RAP1GAP2: variants seen among roughly 807,000 people sequenced by gnomAD.
RAP1GAP2 encodes rap1 GTPase-activating protein 2.
A neutral mutation model predicts 95.0 loss-of-function variants in RAP1GAP2; 27 were observed. That is an observed-to-expected ratio of 0.28 (90% CI 0.21 to 0.39). The LOEUF is 0.39. Ranked by LOEUF, RAP1GAP2 falls within the 10% of genes least tolerant of loss-of-function variation. RAP1GAP2 has a pLI of 1.00. For missense variants in RAP1GAP2, 771 were observed against 970.0 expected (o/e 0.79, Z 2.72); for synonymous variants, 373 against 380.9 (o/e 0.98, Z 0.24).
intron 4 of RAP1GAP2, chr17:2,962,445 C>A: frequency 2.0e-6 from 1 of 511,366 alleles, no homozygotes; most frequent in Non-Finnish European, 3.4e-6. Context: ...ATTTGAACCC[C>A]GGCGATCTGG....
rs368905936 is a variant in RAP1GAP2, at chr17:2,929,316, G to A, written c.165+23948G>A. Among the ~76,000 whole-genome samples, 198 of 152,342 alleles carry A rather than the reference G, an allele frequency of 1.3e-3. 1 individual carries two copies. Among genetic ancestry groups the A allele is most frequent in the East Asian group, 5.6e-3 (29 of 5,172 alleles). ...TAGGCTGCAAAGAGGCTGTGGAGGG[G>A]GCAGGGCCTGTGGAGGGTGTGCACC... On this transcript the variant is annotated intron_variant, in intron 3 of 24. Coordinates refer to ENST00000254695, the MANE Select transcript of RAP1GAP2 (RefSeq NM_015085.5).
intron 1 of RAP1GAP2, among the ~76,000 whole-genome samples, chr17:2,798,957 G>A (rs2069174814): frequency 6.6e-6 from 1 of 152,240 alleles, no homozygotes; most frequent in Admixed American, 6.5e-5. Flanking sequence ...ACTCCACCTT[G>A]ACCATTGAGG....
At chr17:2,775,740 A>G (rs1221564726), upstream of RAP1GAP2, among the ~76,000 whole-genome samples, 1 of 152,180 alleles carries the variant, frequency 6.6e-6, no homozygotes, top group Non-Finnish European at 1.5e-5. Flanking sequence ...GCCATAGTCA[A>G]AGGCCGCTGT....
At chr17:2,975,233 AAAAAAG>A (rs61021571) in intron 8 of RAP1GAP2, among the ~76,000 whole-genome samples, 27,451 of 151,898 alleles carry the variant, frequency 0.18, 3,047 homozygotes, top group East Asian at 0.36. Flanking sequence ...TGCGTCTCAA[AAAAAAG>A]AAAAAGAAAA....
Position 3,029,620 on chromosome 17 carries a change from A to G in RAP1GAP2, c.2108-1302A>G, listed in dbSNP as rs1057042371. ...GCACAGAAGAGGACTGATAGGTTAC[A>G]CAGAGGTGTTGTAGCCCTGGGTGGA... On this transcript the variant is annotated intron_variant, in intron 22 of 24. Coordinates refer to ENST00000254695, the MANE Select transcript of RAP1GAP2 (RefSeq NM_015085.5). The surrounding 1 kb of genome is among the most constrained non-coding windows in gnomAD (Gnocchi z 4.4). Among the ~76,000 whole-genome samples, 14 of 152,216 alleles carry G rather than the reference A, an allele frequency of 9.2e-5. 1 individual carries two copies. Among genetic ancestry groups the G allele is most frequent in the African/African-American group, 3.4e-4 (14 of 41,528 alleles).
chr17:2,774,017 C>T (rs1054755339), upstream of RAP1GAP2, among the ~76,000 whole-genome samples: 46 of 152,260 alleles, frequency 3.0e-4, no homozygotes, highest in African/African-American at 1.1e-3. Flanking sequence ...CTCGGCCTCC[C>T]AAAGTGCTGG....
intron 1 of RAP1GAP2, among the ~76,000 whole-genome samples, chr17:2,798,786 C>A (rs1051201305): frequency 3.3e-5 from 5 of 152,178 alleles, no homozygotes; most frequent in African/African-American, 1.2e-4. Context: ...GAGGCCACAC[C>A]CTGATGTGGG....
intron 4 of RAP1GAP2, among the ~76,000 whole-genome samples, chr17:2,958,863 G>T (rs1171952764): frequency 6.6e-6 from 1 of 152,080 alleles, no homozygotes; most frequent in Non-Finnish European, 1.5e-5. Context: ...GAGGGGAGAC[G>T]CTGTTTGAAG....
At chr17:3,025,727 G>C (rs55907950) in intron 19 of RAP1GAP2, among the ~76,000 whole-genome samples, 59,059 of 152,136 alleles carry the variant, frequency 0.39, 12,044 homozygotes, top group East Asian at 0.54. Flanking sequence ...GGGTGAGAGA[G>C]ATCTGGGCTA....
At chr17:2,895,880 C>T (rs1169374101) in intron 2 of RAP1GAP2, among the ~76,000 whole-genome samples, 6 of 152,010 alleles carry the variant, frequency 3.9e-5, no homozygotes, top group African/African-American at 1.2e-4. Context: ...GCCCGGCCTG[C>T]CCTCCCCTTT....
chr17:2,801,470 G>T, intron 2 of RAP1GAP2, among the ~76,000 whole-genome samples: 1 of 61,584 alleles, frequency 1.6e-5, no homozygotes, highest in Admixed American at 2.2e-4. Context: ...GTGAGACTCT[G>T]TCTCAAAAAA....
intron 3 of RAP1GAP2, among the ~76,000 whole-genome samples, chr17:2,927,394 C>G (rs900680530): frequency 6.6e-6 from 1 of 151,822 alleles, no homozygotes; most frequent in Non-Finnish European, 1.5e-5. Flanking sequence ...ACCTCGTGAT[C>G]CGCCCGCCTT....
intron 3 of RAP1GAP2, among the ~76,000 whole-genome samples, chr17:2,933,827 G>A (rs1013559547): frequency 1.3e-5 from 2 of 152,266 alleles, no homozygotes; most frequent in Non-Finnish European, 2.9e-5. Flanking sequence ...AAGACTGGAA[G>A]TTTCAGGTTG....
chr17:2,875,693 G>T (rs1383570102), intron 2 of RAP1GAP2, among the ~76,000 whole-genome samples: 1 of 151,952 alleles, frequency 6.6e-6, no homozygotes, highest in East Asian at 1.9e-4. Context: ...TGAATGTCTT[G>T]TCCTCCTGGT....
At chr17:2,852,100 G>A (rs1051665927) in intron 2 of RAP1GAP2, among the ~76,000 whole-genome samples, 1 of 152,156 alleles carries the variant, frequency 6.6e-6, no homozygotes. Flanking sequence ...CGGTGGGAGA[G>A]AGGGGAAGAG....
chr17:2,960,029 G>A (rs1398756675), intron 4 of RAP1GAP2, among the ~76,000 whole-genome samples: 1 of 149,874 alleles, frequency 6.7e-6, no homozygotes, highest in Non-Finnish European at 1.5e-5. Flanking sequence ...GGAGGCTGAG[G>A]CAGGGGAATC....
chr17:2,862,220 G>A lies in RAP1GAP2; in HGVS notation c.81-43064G>A, dbSNP rs1354274376. ...CTTGACACTGCGTTCCTAAGTCTTG[G>A]GTCCTGGAACTGCCGCCTGATTGGC... On this transcript the variant is annotated intron_variant, in intron 2 of 24. Transcript: ENST00000254695. 3.9e-5 allele frequency among the ~76,000 whole-genome samples: 6 copies of A among 152,194 alleles called. No individual in the cohort carries two copies. The East Asian group carries it at 9.6e-4, about 24-fold the overall frequency.
intron 1 of RAP1GAP2, among the ~76,000 whole-genome samples, chr17:2,778,344 T>G (rs9896618): frequency 0.59 from 89,048 of 151,326 alleles, 26,866 homozygotes; most frequent in East Asian, 0.88. Flanking sequence ...TACAGCAGCC[T>G]CTCTTGGTTC....
chr17:2,826,441 G>C lies in RAP1GAP2; in HGVS notation c.80+25891G>C, dbSNP rs1335304570. The stretch of plus-strand genomic sequence containing the variant: ...AGGAAACAGCCAGAGGCGAGGGTGG[G>C]GATCCGCTCGGGGAGGCTCTGAGTG... On this transcript the variant is annotated intron_variant, in intron 2 of 24. Coordinates refer to ENST00000254695, the MANE Select transcript of RAP1GAP2 (RefSeq NM_015085.5). Among the ~76,000 whole-genome samples, 6 of 152,078 alleles carry C rather than the reference G, an allele frequency of 3.9e-5. No individual in the cohort carries two copies. In the East Asian group the frequency reaches 1.2e-3, roughly 29 times the overall value.
Sources: gnomAD v4.1 joint callset for allele counts (sites outside exome capture counted in the v4.1 genomes callset) on GRCh38, gnomAD v4.1.1 for gene constraint, Gnocchi (gnomAD v3.1) non-coding constraint, MANE v1.5 for transcripts, NCBI Gene and HGNC (gene_info 2026-07-23, HGNC 2026-07-21) for gene names.